The following DLC1 variants were observed in gnomAD, a reference collection of about 807,000 sequenced individuals.
The protein encoded by DLC1 is rho GTPase-activating protein 7.
In DLC1, 54 loss-of-function variants were observed where a neutral mutation model predicts 140.3. The ratio of observed to expected loss-of-function variants is 0.38; its 90% confidence interval spans 0.31 to 0.48. The LOEUF (loss-of-function observed/expected upper bound fraction) is 0.48, where lower values mean the gene tolerates loss of function less well. Among genes scored for constraint, DLC1 ranks in the 20% least tolerant of loss-of-function variants. DLC1 has a pLI of 0.96. For synonymous variants in DLC1, 986 were observed against 728.1 expected, an observed-to-expected ratio of 1.35 and a Z score of -5.70; for missense variants, 2,536 against 1,907.0, an observed-to-expected ratio of 1.33 and a Z score of -6.14.
chr8:13,393,861 G>A (rs111521640), intron 3 of DLC1, among the ~76,000 whole-genome samples, 168 bp from the exon 4 acceptor site: 2 of 152,170 alleles, frequency 1.3e-5, no homozygotes, highest in African/African-American at 4.8e-5. Context: ...TGCATTATTT[G>A]GTAAGAACCA....
chr8:13,426,898 C>T (rs546427642), intron 2 of DLC1, among the ~76,000 whole-genome samples: 70 of 152,208 alleles, frequency 4.6e-4, no homozygotes, highest in Non-Finnish European at 8.5e-4. Context: ...CAATGATGCT[C>T]TACTGGAAAA....
intron 5 of DLC1, among the ~76,000 whole-genome samples, chr8:13,184,295 T>A (rs1302194737): frequency 2.0e-5 from 3 of 149,260 alleles, no homozygotes; most frequent in Admixed American, 1.3e-4. Flanking sequence ...TTTTGAAGGG[T>A]TTTTTGTGTC....
intron 1 of DLC1, among the ~76,000 whole-genome samples, chr8:13,546,997 A>G (rs1803671289): frequency 6.6e-6 from 1 of 152,132 alleles, no homozygotes; most frequent in Non-Finnish European, 1.5e-5. Context: ...AATTACAATC[A>G]TATGTTAAAT....
intron 5 of DLC1, among the ~76,000 whole-genome samples, chr8:13,194,694 A>G (rs958312535): frequency 6.6e-6 from 1 of 152,190 alleles, no homozygotes; most frequent in African/African-American, 2.4e-5. Context: ...TGTAGGCCGC[A>G]AGCATTCCAT....
At chr8:13,231,506 T>C (rs1829044323) in intron 5 of DLC1, among the ~76,000 whole-genome samples, 1 of 152,242 alleles carries the variant, frequency 6.6e-6, no homozygotes, top group Admixed American at 6.5e-5. Flanking sequence ...TACTTCCTAA[T>C]TTACAAAAGG....
chr8:13,356,562 C>G (rs1309516597), intron 4 of DLC1, among the ~76,000 whole-genome samples: 2 of 152,186 alleles, frequency 1.3e-5, no homozygotes, highest in Admixed American at 6.5e-5. Flanking sequence ...TTCTTTCTGT[C>G]TCCTTAGAAT....
Position 13,555,791 on chromosome 8 carries a change from C to T in DLC1, c.-126+48746G>A, listed in dbSNP as rs144883738. On this transcript the variant is annotated intron_variant, in intron 1 of 1. Coordinates refer to the DLC1 transcript ENST00000631382. ...TGCTAGGATTACAGGCATGAGACAC[C>T]GGGCCTGGCCTTGTAGCATTTTTTT... is the stretch of plus-strand genomic sequence containing the variant. 1.4e-4 allele frequency among the ~76,000 whole-genome samples: 21 copies of T among 152,056 alleles called. No individual in the cohort carries two copies. The East Asian group carries it at 2.3e-3, about 17-fold the overall frequency.
At chr8:13,309,680 C>A (rs200837768) in intron 4 of DLC1, among the ~76,000 whole-genome samples, 1 of 152,128 alleles carries the variant, frequency 6.6e-6, no homozygotes, top group South Asian at 2.1e-4. Context: ...TATGTTGATT[C>A]TTTTGGTCTG....
chr8:13,147,904 C>T lies in DLC1; in HGVS notation c.1349-32247G>A, dbSNP rs541587179. The stretch of plus-strand genomic sequence containing the variant: ...TCGGGAGACTGAGGCAGGAGAATGG[C>T]TTGAACCCGGGAGGCGGAGGTTGCA... On this transcript the variant is annotated intron_variant, in intron 5 of 17. Transcript: ENST00000276297. Among the ~76,000 whole-genome samples, 25 of 152,240 alleles carry T rather than the reference C, an allele frequency of 1.6e-4. No individual in the cohort carries two copies. The South Asian group carries it at 4.8e-3, about 29-fold the overall frequency.
chr8:13,416,531 G>T (rs1043117210), intron 2 of DLC1, among the ~76,000 whole-genome samples: 13 of 152,154 alleles, frequency 8.5e-5, no homozygotes, highest in Non-Finnish European at 1.9e-4. Context: ...AAGGAGGGAA[G>T]TGGAAGCAGA....
chr8:13,089,422 C>T lies in DLC1; in HGVS notation c.4075-718G>A, dbSNP rs184384453. On this transcript the variant is annotated intron_variant, in intron 15 of 17. Coordinates refer to ENST00000276297, the MANE Select transcript of DLC1 (RefSeq NM_182643.3). ...GTGGGCAGTCACAAGGTCAGGAGTTCGAGACCAGCCTGGCCAATATGGTGA... is the reference window on the plus strand; with the variant it reads ...GTGGGCAGTCACAAGGTCAGGAGTTTGAGACCAGCCTGGCCAATATGGTGA... Among the ~76,000 whole-genome samples, 328 of 151,630 alleles carry T rather than the reference C, an allele frequency of 2.2e-3. 1 individual carries two copies. The highest frequency in any genetic ancestry group is 7.3e-3 in the African/African-American group (301 of 41,204).
At chr8:13,432,743 A>G (rs1838940786) in intron 2 of DLC1, among the ~76,000 whole-genome samples, 1 of 152,162 alleles carries the variant, frequency 6.6e-6, no homozygotes, top group Admixed American at 6.5e-5. Context: ...TTTTAAGTGT[A>G]GTTCCAGTAG....
intron 5 of DLC1, among the ~76,000 whole-genome samples, chr8:13,205,044 G>A (rs933597626): frequency 6.6e-6 from 1 of 151,838 alleles, no homozygotes; most frequent in Non-Finnish European, 1.5e-5. Flanking sequence ...GCAATCCCAT[G>A]TTAAAATGAG....
At chr8:13,412,132 A>T (rs1368478070) in intron 2 of DLC1, among the ~76,000 whole-genome samples, 1 of 152,206 alleles carries the variant, frequency 6.6e-6, no homozygotes, top group Non-Finnish European at 1.5e-5. Flanking sequence ...AAGACAACCT[A>T]ATAAAATTGG....
intron 5 of DLC1, among the ~76,000 whole-genome samples, chr8:13,296,359 A>G (rs1831953851): frequency 6.6e-6 from 1 of 152,088 alleles, no homozygotes; most frequent in Non-Finnish European, 1.5e-5. Flanking sequence ...TGAAAATAAC[A>G]TATTAATTTT....
intron 5 of DLC1, among the ~76,000 whole-genome samples, chr8:13,116,467 C>G (rs1820565544): frequency 6.6e-6 from 1 of 152,126 alleles, no homozygotes. Context: ...ATATTCCTTT[C>G]AACTCTTCCT....
At chr8:13,478,295 G>A (rs190917512) in intron 2 of DLC1, among the ~76,000 whole-genome samples, 5 of 152,200 alleles carry the variant, frequency 3.3e-5, no homozygotes, top group Admixed American at 1.3e-4. Flanking sequence ...ACTTTTAAAC[G>A]ATCAGAACTC....
intron 5 of DLC1, among the ~76,000 whole-genome samples, chr8:13,237,275 G>GTA (rs200510618): frequency 4.0e-4 from 57 of 141,854 alleles, no homozygotes; most frequent in African/African-American, 4.7e-4. Context: ...GTATATAGGT[G>GTA]TATATATATA....
intron 5 of DLC1, among the ~76,000 whole-genome samples, chr8:13,247,505 T>G (rs1321970717): frequency 6.6e-6 from 1 of 152,178 alleles, no homozygotes; most frequent in Non-Finnish European, 1.5e-5. Flanking sequence ...GACAGATGTA[T>G]TCATATCCTT....
Sources: allele counts gnomAD v4.1 joint callset (sites outside exome capture counted in the v4.1 genomes callset), GRCh38; gene constraint gnomAD v4.1.1; transcripts MANE v1.5; gene names NCBI Gene and HGNC (gene_info 2026-07-23, HGNC 2026-07-21).